RALYL: variants seen among roughly 807,000 people sequenced by gnomAD.
The protein encoded by RALYL is RALY RNA binding protein like, also known as RNA-binding Raly-like protein.
Under a neutral mutation model 35.1 loss-of-function variants are expected in RALYL, and 29 were observed. That is an observed-to-expected ratio of 0.83 (90% CI 0.61 to 1.13). The LOEUF (loss-of-function observed/expected upper bound fraction) is 1.13. Among genes scored for constraint, RALYL ranks in the 50% most tolerant of loss-of-function variants. RALYL has a pLI of 0.00. For missense variants in RALYL, 359 were observed against 360.4 expected (o/e 1.00, Z 0.03); for synonymous variants, 120 against 127.6 (o/e 0.94, Z 0.40).
At chr8:84,492,663 T>C (rs1374360888) in intron 1 of RALYL, among the ~76,000 whole-genome samples, 1 of 152,148 alleles carries the variant, frequency 6.6e-6, no homozygotes, top group Non-Finnish European at 1.5e-5. Context: ...TAAAATGTAC[T>C]GGATACCAGA....
At chr8:84,479,777 C>T (rs980212732) in intron 1 of RALYL, among the ~76,000 whole-genome samples, 2 of 152,108 alleles carry the variant, frequency 1.3e-5, no homozygotes, top group Admixed American at 1.3e-4. Flanking sequence ...CTTAAGTATT[C>T]TCTTAATAAA....
chr8:84,705,078 A>G (rs1328478501), intron 2 of RALYL, among the ~76,000 whole-genome samples: 1 of 152,174 alleles, frequency 6.6e-6, no homozygotes, highest in Admixed American at 6.5e-5. Flanking sequence ...CAGCACCCAA[A>G]GGTGTCTTTG....
intron 1 of RALYL, among the ~76,000 whole-genome samples, chr8:84,223,045 T>C (rs138193493): frequency 6.6e-6 from 1 of 152,024 alleles, no homozygotes; most frequent in Admixed American, 6.6e-5. Flanking sequence ...AAATGAGTCT[T>C]CTTATCTTGC....
At chr8:84,695,701 A>C (rs1838984890) in intron 2 of RALYL, among the ~76,000 whole-genome samples, 1 of 151,860 alleles carries the variant, frequency 6.6e-6, no homozygotes, top group Non-Finnish European at 1.5e-5. Flanking sequence ...TGTGTTCTTA[A>C]TCTGAGTAAT....
At chr8:84,705,111 G>A (rs1324384872) in intron 2 of RALYL, among the ~76,000 whole-genome samples, 4 of 152,194 alleles carry the variant, frequency 2.6e-5, no homozygotes. Context: ...CATTTGGAGT[G>A]TTTGGGAGAG....
chr8:84,186,421 A>G (rs1480592215), intron 1 of RALYL, among the ~76,000 whole-genome samples: 1 of 152,228 alleles, frequency 6.6e-6, no homozygotes, highest in Non-Finnish European at 1.5e-5. Context: ...AAAATGCAAG[A>G]CAATTTATGT....
intron 2 of RALYL, among the ~76,000 whole-genome samples, chr8:84,553,362 G>A (rs993878779): frequency 1.3e-5 from 2 of 152,148 alleles, no homozygotes; most frequent in African/African-American, 4.8e-5. Context: ...GGGATCTCAC[G>A]ATGTTGCCCA....
At chr8:84,702,866 C>A (rs1334474919) in intron 2 of RALYL, among the ~76,000 whole-genome samples, 1 of 151,880 alleles carries the variant, frequency 6.6e-6, no homozygotes, top group African/African-American at 2.4e-5. Context: ...TATAAAGATT[C>A]AATTTAAGTA....
chr8:84,247,674 G>T (rs113988134), intron 1 of RALYL, among the ~76,000 whole-genome samples: 1 of 152,020 alleles, frequency 6.6e-6, no homozygotes, highest in Non-Finnish European at 1.5e-5. Context: ...ATTCTAAAAA[G>T]AATTTCTTGT....
chr8:84,606,138 T>G (rs912709681), intron 2 of RALYL, among the ~76,000 whole-genome samples: 22 of 152,130 alleles, frequency 1.4e-4, no homozygotes, highest in Admixed American at 2.6e-4. Context: ...TCTTTTGGTA[T>G]TCCCCTATTC....
chr8:84,323,135 C>T (rs1030765971), intron 1 of RALYL, among the ~76,000 whole-genome samples: 1 of 151,960 alleles, frequency 6.6e-6, no homozygotes, highest in African/African-American at 2.4e-5. Flanking sequence ...ACTTATTCAG[C>T]TTCGTTTCCT....
intron 8 of RALYL, among the ~76,000 whole-genome samples, chr8:84,890,037 ACTAT>A (rs1297864898): frequency 1.3e-5 from 2 of 152,178 alleles, no homozygotes; most frequent in African/African-American, 4.8e-5. Context: ...ATCTTTATAA[ACTAT>A]CTGTCAGATA....
intron 1 of RALYL, among the ~76,000 whole-genome samples, chr8:84,277,784 T>C (rs1363464987): frequency 6.6e-6 from 1 of 152,248 alleles, no homozygotes; most frequent in Non-Finnish European, 1.5e-5. Context: ...CTCCTTTGAC[T>C]GCATGTCTCA....
chr8:84,920,846 A>G, intron 8 of RALYL, 48 bp from the exon 9 acceptor site: 1 of 926,030 alleles, frequency 1.1e-6, no homozygotes, highest in Non-Finnish European at 1.6e-6. Flanking sequence ...TGCTATCAAC[A>G]ATAAAACACA....
chr8:84,665,592 A>G (rs28408244), intron 2 of RALYL, among the ~76,000 whole-genome samples: 9,574 of 152,056 alleles, frequency 0.063, 742 homozygotes, highest in African/African-American at 0.18. Flanking sequence ...GTTTATGTGC[A>G]TAGAGGTGTT....
intron 1 of RALYL, among the ~76,000 whole-genome samples, chr8:84,511,519 C>T (rs1181789566): frequency 6.6e-6 from 1 of 152,086 alleles, no homozygotes; most frequent in Non-Finnish European, 1.5e-5. Flanking sequence ...TTAGAATATC[C>T]ATCACCTGGA....
intron 2 of RALYL, among the ~76,000 whole-genome samples, chr8:84,643,669 C>T (rs536652968): frequency 6.6e-6 from 1 of 152,170 alleles, no homozygotes; most frequent in South Asian, 2.1e-4. Context: ...GATCTGGCCA[C>T]TTGCTGCTTG....
intron 2 of RALYL, among the ~76,000 whole-genome samples, chr8:84,770,077 G>T (rs1292917975): frequency 2.0e-5 from 3 of 151,762 alleles, no homozygotes; most frequent in African/African-American, 7.3e-5. Context: ...CATAGGTTTT[G>T]GCGAACAGGT....
intron 1 of RALYL, among the ~76,000 whole-genome samples, chr8:84,354,534 T>G (rs1342979449): frequency 6.6e-6 from 1 of 150,510 alleles, no homozygotes; most frequent in African/African-American, 2.5e-5. Flanking sequence ...AGTCACTTTT[T>G]GAAAATTCTA....
Sources: allele counts gnomAD v4.1 joint callset (sites outside exome capture counted in the v4.1 genomes callset), GRCh38; gene constraint gnomAD v4.1.1; transcripts MANE v1.5; gene names NCBI Gene and HGNC (gene_info 2026-07-23, HGNC 2026-07-21).